The following MLC1 variants were observed in gnomAD, a reference collection of about 807,000 sequenced individuals.
MLC1 encodes modulator of VRAC current 1, also known as membrane protein MLC1.
A neutral mutation model predicts 44.7 loss-of-function variants in MLC1; 32 were observed. The ratio of observed to expected loss-of-function variants is 0.72; its 90% CI spans 0.54 to 0.96. The LOEUF (loss-of-function observed/expected upper bound fraction) is 0.96. MLC1 is among the 40% of genes least tolerant of loss of function. The pLI, the probability that MLC1 is intolerant of heterozygous loss-of-function variation, is 0.00. For missense variants in MLC1, 459 were observed against 492.2 expected (o/e 0.93, Z 0.64); for synonymous variants, 190 against 213.0 (o/e 0.89, Z 0.94).
chr22:50,063,890 CCA>C, intron 11 of MLC1, 142 bp downstream of exon 11: 2 of 829,000 alleles, frequency 2.4e-6, no homozygotes, highest in Non-Finnish European at 3.4e-6. Flanking sequence ...CCCCTGCAGG[CCA>C]CTCACCTCCC....
chr22:50,068,589 C>T lies in MLC1; in HGVS notation c.772-34G>A, dbSNP rs73893124. The stretch of plus-strand genomic sequence containing the variant: ...AAAGCGCGGGTTGCAGGACCACGGC[C>T]GGAGCCTGGGAGCCCAGGACAGCGG... On this transcript the variant is annotated intron_variant, in intron 9 of 11. Coordinates refer to ENST00000311597, the MANE Select transcript of MLC1 (RefSeq NM_015166.4). 0.013 allele frequency: 17,896 copies of T among 1,365,298 alleles called. 1,774 individuals are homozygous for T. In the African/African-American group the frequency reaches 0.23, roughly 18 times the overall value. 84.6% of individuals were successfully genotyped at this position (1,365,298 alleles called of 1,614,324 possible).
rs147572634 is a variant in MLC1 at position 50,074,329 on chromosome 22, C to T, written c.601G>A (p.Val201Ile). Residue 201 changes from valine (V) to isoleucine (I), a missense_variant, in exon 8 of 12, where the codon GTC becomes ATC. Val to Ile is a conservative substitution (Grantham distance 29). Transcript: ENST00000311597. ...PARVLKSYSV[V>I]EVIAGISAVL... Reference sequence around the variant, plus strand: ...GCAGAGATGCCTGCGATTACCTCGACGACCTGGAGGGGACAGGACAGCATC... The same window carrying T: ...GCAGAGATGCCTGCGATTACCTCGATGACCTGGAGGGGACAGGACAGCATC... 262 of 1,612,994 alleles carry T rather than the reference C, an allele frequency of 1.6e-4. 1 individual carries two copies. The African/African-American group carries it at 2.5e-3, about 16-fold the overall frequency.
At position 50,083,279 on chromosome 22, in the gene MLC1, C is replaced by T. The variant is rs1260276961; in HGVS notation, c.178-106G>A. 4 of 1,011,824 alleles carry T rather than the reference C, an allele frequency of 4.0e-6. No individual in the cohort carries two copies. The highest frequency in any genetic ancestry group is 2.5e-5 in the East Asian group (1 of 39,388). The allele number at this position is 1,011,824 out of a possible 1,614,324, so 62.7% of individuals were successfully genotyped here. A position where few individuals can be genotyped will look rare whatever the true frequency, so the allele number is the denominator to read the frequency against. On this transcript the variant is annotated intron_variant, in intron 2 of 11. Coordinates refer to ENST00000311597, the MANE Select transcript of MLC1 (RefSeq NM_015166.4). The surrounding 1 kb of genome is among the most constrained non-coding windows in gnomAD (Gnocchi z 4.6). ...TGTCTGTGTATTGGTGACTCACCCACGTCCCCCAGCATCAACCACACCCGC... is the reference window on the plus strand; with the variant it reads ...TGTCTGTGTATTGGTGACTCACCCATGTCCCCCAGCATCAACCACACCCGC...
chr22:50,063,610 G>A (rs1377808898), intron 11 of MLC1, among the ~76,000 whole-genome samples: 2 of 151,740 alleles, frequency 1.3e-5, no homozygotes, highest in African/African-American at 4.8e-5. Flanking sequence ...ACCAGGACAG[G>A]AGCCCCCACC....
At chr22:50,070,704 G>A (rs969214516) in intron 8 of MLC1, 121 bp from the exon 9 acceptor site, 1 of 1,104,194 alleles carries the variant, frequency 9.1e-7, no homozygotes, top group Non-Finnish European at 1.3e-6. Context: ...GCTGTGGGGG[G>A]CAGGGGGGAT....
At position 50,061,308 on chromosome 22, in the gene MLC1, C is replaced by A. The variant is rs2061555113; in HGVS notation, c.*275G>T. On this transcript the variant is annotated 3_prime_UTR_variant, in exon 12 of 12. Transcript: ENST00000311597. Reference sequence around the variant, plus strand: ...GGCTCTCAAGAGGCCGAGCCGGGGGCCCTTCCTCGGCCTGGGAAGTTGCGG... The same window carrying A: ...GGCTCTCAAGAGGCCGAGCCGGGGGACCTTCCTCGGCCTGGGAAGTTGCGG... 3 of 518,518 alleles carry A rather than the reference C, an allele frequency of 5.8e-6. No homozygotes were observed. The South Asian group carries it at 6.1e-5, about 11-fold the overall frequency. 32.1% of individuals were successfully genotyped at this position (518,518 alleles called of 1,614,324 possible). A position where few individuals can be genotyped will look rare whatever the true frequency, so the allele number is the denominator to read the frequency against.
At chr22:50,082,085 G>A (rs2062156391) in intron 3 of MLC1, among the ~76,000 whole-genome samples, 1 of 152,250 alleles carries the variant, frequency 6.6e-6, no homozygotes, top group African/African-American at 2.4e-5. Flanking sequence ...TGTCCCTAGA[G>A]AAAGGGCAGG....
chr22:50,079,794 T>C, intron 5 of MLC1, 124 bp downstream of exon 5: 1 of 799,000 alleles, frequency 1.3e-6, no homozygotes, highest in Non-Finnish European at 2.2e-6. Context: ...TCAACTTTAG[T>C]CAAACTCACG....
intron 7 of MLC1, among the ~76,000 whole-genome samples, chr22:50,075,287 G>T (rs562716399): frequency 3.9e-5 from 6 of 152,150 alleles, no homozygotes. Flanking sequence ...TCTGTGAGTC[G>T]CAAACACAGA....
At chr22:50,082,767 C>A (rs532264221) in intron 3 of MLC1, among the ~76,000 whole-genome samples, 10 of 152,166 alleles carry the variant, frequency 6.6e-5, no homozygotes, top group Non-Finnish European at 1.0e-4. Context: ...CAGGTTCAAG[C>A]GATTCTCCTG....
rs1468317319 is a variant in MLC1, at chr22:50,083,351, C to G, written c.178-178G>C. The stretch of plus-strand genomic sequence containing the variant: ...GACTCCTCCTGTAGGACAGACGCAG[C>G]CCCGCCGCAGCCCAGGACATGGACC... On this transcript the variant is annotated intron_variant, in intron 2 of 11. Transcript: ENST00000311597. The surrounding 1 kb of genome is among the most constrained non-coding windows in gnomAD (Gnocchi z 4.6). Among the ~76,000 whole-genome samples the G allele has an allele frequency of 2.6e-5, 4 of 152,128 alleles. No individual in the cohort carries two copies. The highest frequency in any genetic ancestry group is 5.9e-5 in the Non-Finnish European group (4 of 68,018).
chr22:50,079,050 G>A (rs1022871456), intron 5 of MLC1, among the ~76,000 whole-genome samples: 3 of 151,750 alleles, frequency 2.0e-5, no homozygotes, highest in East Asian at 1.9e-4. Flanking sequence ...ATGGGAGGCC[G>A]AGGTGGATGG....
At chr22:50,073,319 G>T (rs919666666) in intron 8 of MLC1, among the ~76,000 whole-genome samples, 1 of 152,260 alleles carries the variant, frequency 6.6e-6, no homozygotes, top group Non-Finnish European at 1.5e-5. Flanking sequence ...CGTCAACACC[G>T]GTGTGCAGGC....
Position 50,061,427 on chromosome 22 carries a change from A to G in MLC1, c.*156T>C, listed in dbSNP as rs1289804438. 1 of 767,476 alleles carries G rather than the reference A, an allele frequency of 1.3e-6. No homozygotes were observed. Among genetic ancestry groups the G allele is most frequent in the Non-Finnish European group, 2.2e-6 (1 of 451,532 alleles). 47.5% of individuals were successfully genotyped at this position (767,476 alleles called of 1,614,324 possible). A position where few individuals can be genotyped will look rare whatever the true frequency, so the allele number is the denominator to read the frequency against. On this transcript the variant is annotated 3_prime_UTR_variant, in exon 12 of 12. Coordinates refer to ENST00000311597, the MANE Select transcript of MLC1 (RefSeq NM_015166.4). ...CAACATTGGCCTATTTTAAAATTAAACTACCCTAGGAAGTGAAAACCCCAC... is the reference window on the plus strand; with the variant it reads ...CAACATTGGCCTATTTTAAAATTAAGCTACCCTAGGAAGTGAAAACCCCAC...
intron 10 of MLC1, among the ~76,000 whole-genome samples, chr22:50,066,929 G>A (rs537235884): frequency 3.9e-5 from 6 of 152,174 alleles, no homozygotes; most frequent in African/African-American, 9.6e-5. Context: ...ATGGGGTATC[G>A]AACCCAGAGG....
chr22:50,068,357 G>A (rs1376514523), intron 10 of MLC1, 76 bp downstream of exon 10: 1 of 1,585,008 alleles, frequency 6.3e-7, no homozygotes, highest in East Asian at 2.3e-5. Context: ...CAGAGTCCCA[G>A]GCAAAGCCAG....
Position 50,060,776 on chromosome 22 carries a change from G to A in MLC1, c.*807C>T, listed in dbSNP as rs960009302. ...AGCGGCCATGTGGCACTCCAAGCTGGGCATGACAGTGCCCGGGACGTGGGC... is the reference window on the plus strand; with the variant it reads ...AGCGGCCATGTGGCACTCCAAGCTGAGCATGACAGTGCCCGGGACGTGGGC... On this transcript the variant is annotated 3_prime_UTR_variant, in exon 12 of 12. Transcript: ENST00000311597. The A allele has an allele frequency of 2.3e-5, 2 of 86,002 alleles. No individual in the cohort carries two copies. The highest frequency in any genetic ancestry group is 3.5e-4 in the East Asian group (1 of 2,832). The allele number at this position is 86,002 out of a possible 1,614,324, so 5.3% of individuals were successfully genotyped here. A position where few individuals can be genotyped will look rare whatever the true frequency, so the allele number is the denominator to read the frequency against.
intron 10 of MLC1, among the ~76,000 whole-genome samples, chr22:50,065,877 T>C (rs1404207791): frequency 1.3e-5 from 2 of 152,208 alleles, no homozygotes; most frequent in Non-Finnish European, 2.9e-5. Flanking sequence ...GTGCAGGTTG[T>C]TCACGGAGGA....
chr22:50,083,132 C>T lies in MLC1; in HGVS notation c.219G>A (p.Gly73=). The T allele has an allele frequency of 6.2e-7, 1 of 1,614,130 alleles. No homozygotes were observed. The highest frequency in any genetic ancestry group is 8.5e-7 in the Non-Finnish European group (1 of 1,180,006). ...LVTSGFSLYL[G]NVFPAEMDYL... is the part of the protein sequence containing the mutation. The stretch of plus-strand genomic sequence containing the variant: ...AATCCATCTCAGCCGGGAACACGTT[C>T]CCCAGGTACAGCGAAAACCCCGAGG... Residue 73 remains glycine, a synonymous_variant, in exon 3 of 12, where the codon GGG becomes GGA. Transcript: ENST00000311597. This position sits in a 1 kb window ranked among gnomAD's most constrained non-coding sequence, Gnocchi z 4.6.
Sources: gnomAD v4.1 joint callset for allele counts (sites outside exome capture counted in the v4.1 genomes callset) on GRCh38, gnomAD v4.1.1 for gene constraint, Gnocchi (gnomAD v3.1) non-coding constraint, MANE v1.5 for transcripts, NCBI Gene and HGNC (gene_info 2026-07-23, HGNC 2026-07-21) for gene names.